The following ABLIM3 variants were observed in gnomAD, a reference collection of about 807,000 sequenced individuals.
ABLIM3 encodes the protein actin binding LIM protein family member 3, also known as actin-binding LIM protein 3.
In ABLIM3, 61 loss-of-function variants were observed where a neutral mutation model predicts 109.5. The ratio of observed to expected loss-of-function variants is 0.56; its 90% CI spans 0.45 to 0.69. ABLIM3 has a LOEUF of 0.69. Among genes scored for constraint, ABLIM3 ranks in the 30% least tolerant of loss-of-function variants. The probability of loss-of-function intolerance (pLI) is 0.00; values close to 1 mark genes in which losing one functional copy is unlikely to be tolerated. For synonymous variants in ABLIM3, 300 were observed against 324.8 expected (o/e 0.92, Z 0.82); for missense variants, 796 against 889.5 (o/e 0.89, Z 1.34).
At chr5:149,245,494 G>T (rs1753262401) in intron 16 of ABLIM3, among the ~76,000 whole-genome samples, 1 of 152,234 alleles carries the variant, frequency 6.6e-6, no homozygotes, top group African/African-American at 2.4e-5. Context: ...GAGAGGAAGA[G>T]AAGCAGTAGA....
intron 3 of ABLIM3, among the ~76,000 whole-genome samples, chr5:149,189,114 G>A (rs766986322): frequency 7.2e-5 from 11 of 151,954 alleles, no homozygotes; most frequent in Non-Finnish European, 1.3e-4. Context: ...GGGGAAGAAT[G>A]GTCTTTTCAA....
At chr5:149,151,657 G>T (rs1481259474) in intron 2 of ABLIM3, among the ~76,000 whole-genome samples, 1 of 152,196 alleles carries the variant, frequency 6.6e-6, no homozygotes, top group Non-Finnish European at 1.5e-5. Context: ...TTACATAGGA[G>T]GTCCCCACAT....
chr5:149,154,986 G>C (rs1048062520), intron 2 of ABLIM3, among the ~76,000 whole-genome samples: 1 of 152,198 alleles, frequency 6.6e-6, no homozygotes, highest in East Asian at 1.9e-4. Context: ...ACAAAGTTAA[G>C]AAAAGTGATG....
In ABLIM3 at chr5:149,239,290, A is replaced by T; in HGVS notation, c.1074+13A>T. The T allele has an allele frequency of 1.2e-6, 2 of 1,613,062 alleles. No homozygotes were observed. The highest frequency in any genetic ancestry group is 2.2e-5 in the South Asian group (2 of 91,040). Reference sequence around the variant, plus strand: ...TCCCTACTCCCAGGTAATTCAGCTGATAGAGAATTAAGTTGATATATAATT... The same window carrying T: ...TCCCTACTCCCAGGTAATTCAGCTGTTAGAGAATTAAGTTGATATATAATT... On this transcript the variant is annotated intron_variant, in intron 12 of 23. Coordinates refer to ENST00000309868, the MANE Select transcript of ABLIM3 (RefSeq NM_014945.5).
chr5:149,230,715 A>G lies in ABLIM3; in HGVS notation c.816+8A>G, dbSNP rs185790954. ...GCAGAGAAGAAGTTAAAGGTAAGCA[A>G]GCTAGTAGATTCCAGACCAGCACTC... On this transcript the variant is annotated splice_region_variant and intron_variant, in intron 9 of 23. Coordinates refer to ENST00000309868, the MANE Select transcript of ABLIM3 (RefSeq NM_014945.5). 1.0e-4 allele frequency: 162 copies of G among 1,613,984 alleles called. 1 individual carries two copies. In the African/African-American group the frequency reaches 1.7e-3, roughly 17 times the overall value.
chr5:149,198,725 G>T lies in ABLIM3; in HGVS notation c.335+323G>T, dbSNP rs1251540444. 1.3e-5 allele frequency among the ~76,000 whole-genome samples: 2 copies of T among 152,198 alleles called. No homozygotes were observed. Among genetic ancestry groups the T allele is most frequent in the Admixed American group, 6.5e-5 (1 of 15,286 alleles). ...AAACCACTGATTCTCTCAGAACTCA[G>T]TTTGGAAACTGTGGATCTGGCCCAT... is the stretch of plus-strand genomic sequence containing the variant. On this transcript the variant is annotated intron_variant, in intron 4 of 23. Coordinates refer to ENST00000309868, the MANE Select transcript of ABLIM3 (RefSeq NM_014945.5). The surrounding 1 kb of genome is among the most constrained non-coding windows in gnomAD (Gnocchi z 4.2).
At chr5:149,235,375 C>G (rs1253597402) in intron 10 of ABLIM3, among the ~76,000 whole-genome samples, 4 of 152,162 alleles carry the variant, frequency 2.6e-5, no homozygotes, top group African/African-American at 4.8e-5. Flanking sequence ...CAGGTTCTTT[C>G]AAACTTTCAA....
At chr5:149,257,963 A>C (rs750029455) in intron 23 of ABLIM3, among the ~76,000 whole-genome samples, 45 of 152,318 alleles carry the variant, frequency 3.0e-4, no homozygotes, top group Non-Finnish European at 5.6e-4. Flanking sequence ...ATGCAAATAC[A>C]TGGATCAGGC....
chr5:149,252,106 A>G, intron 21 of ABLIM3, 95 bp from the exon 22 acceptor site: 5 of 1,425,022 alleles, frequency 3.5e-6, no homozygotes, highest in Non-Finnish European at 4.8e-6. Context: ...TAGAGGCCAG[A>G]CCCCCTGAGA....
At chr5:149,221,257 G>A (rs1171702294) in intron 8 of ABLIM3, among the ~76,000 whole-genome samples, 1 of 152,288 alleles carries the variant, frequency 6.6e-6, no homozygotes, top group East Asian at 1.9e-4. Flanking sequence ...GGCACACAGA[G>A]AGCAACCATA....
chr5:149,242,744 G>C (rs1455985341), intron 15 of ABLIM3, among the ~76,000 whole-genome samples: 2 of 152,162 alleles, frequency 1.3e-5, no homozygotes, highest in African/African-American at 4.8e-5. Context: ...TGTCCCCTCA[G>C]TTCTTTCCCA....
chr5:149,202,574 T>G (rs542986994), intron 5 of ABLIM3, among the ~76,000 whole-genome samples: 2 of 152,286 alleles, frequency 1.3e-5, no homozygotes, highest in African/African-American at 4.8e-5. Flanking sequence ...TATAAGAGAT[T>G]GCTAAGAAAA....
chr5:149,207,635 G>A (rs746102048), intron 6 of ABLIM3, among the ~76,000 whole-genome samples: 2 of 152,138 alleles, frequency 1.3e-5, no homozygotes, highest in Non-Finnish European at 2.9e-5. Context: ...TATCCCCACT[G>A]AATACTCAGA....
intron 17 of ABLIM3, among the ~76,000 whole-genome samples, chr5:149,247,441 T>C (rs1295497901): frequency 1.3e-5 from 2 of 152,202 alleles, no homozygotes; most frequent in African/African-American, 4.8e-5. Flanking sequence ...AATGGTTAAT[T>C]TGAAGTTAAG....
At chr5:149,224,214 G>T (rs1760942886) in intron 8 of ABLIM3, among the ~76,000 whole-genome samples, 1 of 151,796 alleles carries the variant, frequency 6.6e-6, no homozygotes, top group African/African-American at 2.4e-5. Context: ...GAATACTTAG[G>T]GCCTGGCACA....
chr5:149,215,380 A>G (rs1437429695), intron 7 of ABLIM3, among the ~76,000 whole-genome samples: 1 of 152,184 alleles, frequency 6.6e-6, no homozygotes, highest in Non-Finnish European at 1.5e-5. Flanking sequence ...CCATATAAAC[A>G]AACGGGGGGA....
At chr5:149,213,415 G>A (rs1759754937) in intron 7 of ABLIM3, among the ~76,000 whole-genome samples, 1 of 152,152 alleles carries the variant, frequency 6.6e-6, no homozygotes, top group South Asian at 2.1e-4. Flanking sequence ...TCAGAGTGTT[G>A]GTCAAACTCT....
In ABLIM3 at chr5:149,252,247, C is replaced by G. The variant is rs1249582240; in HGVS notation, c.1857+39C>G. The G allele has an allele frequency of 3.1e-6, 5 of 1,608,240 alleles. No individual in the cohort carries two copies. The Middle Eastern group carries it at 5.0e-4, about 160-fold the overall frequency. Reference sequence around the variant, plus strand: ...ATAGACCCTGGGGGTCTCCAGGATTCTTGGAGCCGCTACACTGGGGATCAC... The same window carrying G: ...ATAGACCCTGGGGGTCTCCAGGATTGTTGGAGCCGCTACACTGGGGATCAC... On this transcript the variant is annotated intron_variant, in intron 22 of 23. Transcript: ENST00000309868.
chr5:149,218,466 T>G (rs1295061109), intron 8 of ABLIM3: 2 of 151,804 alleles, frequency 1.3e-5, no homozygotes, highest in Non-Finnish European at 2.9e-5. Context: ...GAACAAAAAG[T>G]GGAATAGGAT....
Sources: gnomAD v4.1 joint callset for allele counts (sites outside exome capture counted in the v4.1 genomes callset) on GRCh38, gnomAD v4.1.1 for gene constraint, Gnocchi (gnomAD v3.1) non-coding constraint, MANE v1.5 for transcripts, NCBI Gene and HGNC (gene_info 2026-07-23, HGNC 2026-07-21) for gene names.